Variants in PRKN observed in about 807,000 individuals in gnomAD.
The protein encoded by PRKN is parkin RBR E3 ubiquitin protein ligase.
Under a neutral mutation model 59.5 loss-of-function variants are expected in PRKN, and 56 were observed. That is an observed-to-expected ratio of 0.94 (90% CI 0.76 to 1.18). The LOEUF (loss-of-function observed/expected upper bound fraction) is 1.18, where lower values mean the gene tolerates loss of function less well. Among genes scored for constraint, PRKN ranks in the 50% most tolerant of loss-of-function variants. The pLI is 0.00. For missense variants in PRKN, 657 were observed against 596.4 expected, an observed-to-expected ratio of 1.10 and a Z score of -1.06; for synonymous variants, 250 against 222.1, an observed-to-expected ratio of 1.13 and a Z score of -1.12.
chr6:162,454,423 C>T (rs905184198), intron 1 of PRKN, among the ~76,000 whole-genome samples: 1 of 152,192 alleles, frequency 6.6e-6, no homozygotes, highest in Non-Finnish European at 1.5e-5. Flanking sequence ...CAGACATTAT[C>T]TCAGTTAATC....
intron 1 of PRKN, among the ~76,000 whole-genome samples, chr6:162,526,729 A>G (rs1232405209): frequency 6.6e-6 from 1 of 152,194 alleles, no homozygotes; most frequent in Admixed American, 6.5e-5. Context: ...AAGAAAAAGA[A>G]AAGCTGCATA....
chr6:162,208,180 C>G (rs1325497592), intron 3 of PRKN, among the ~76,000 whole-genome samples: 2 of 152,190 alleles, frequency 1.3e-5, no homozygotes, highest in Non-Finnish European at 2.9e-5. Flanking sequence ...ACACTCTTCA[C>G]TCCAAACCTT....
chr6:162,544,858 G>A (rs1779058035), intron 1 of PRKN, among the ~76,000 whole-genome samples: 2 of 150,142 alleles, frequency 1.3e-5, no homozygotes, highest in South Asian at 2.1e-4. Context: ...TGTATTTTTA[G>A]TATAGACAGG....
At chr6:162,096,865 T>A (rs1375094588) in intron 4 of PRKN, among the ~76,000 whole-genome samples, 7 of 131,326 alleles carry the variant, frequency 5.3e-5, no homozygotes, top group African/African-American at 2.1e-4. Flanking sequence ...TTTTTTTTTT[T>A]TTTTTTTTTT....
rs1790041621 is a variant in PRKN, at chr6:161,457,851, G to A, written c.1084-70974C>T. On this transcript the variant is annotated intron_variant, in intron 9 of 11. Coordinates refer to ENST00000366898, the MANE Select transcript of PRKN (RefSeq NM_004562.3). The surrounding 1 kb of genome is among the most constrained non-coding windows in gnomAD (Gnocchi z 5.0). ...TAGATGACCGCACATGTAAGTTAAA[G>A]AAATAGTGGCCTTCTTTTGTCTTTC... Among the ~76,000 whole-genome samples, 1 of 152,228 alleles carries A rather than the reference G, an allele frequency of 6.6e-6. No individual in the cohort carries two copies. The highest frequency in any genetic ancestry group is 2.4e-5 in the African/African-American group (1 of 41,460).
At chr6:161,678,216 CTTTTTTTTTTTTTTTTT>C (rs3066554) in intron 7 of PRKN, among the ~76,000 whole-genome samples, 1 of 64,940 alleles carries the variant, frequency 1.5e-5, no homozygotes, top group Admixed American at 2.1e-4. Flanking sequence ...TACTGAATCA[CTTTTTTTTTTTTTTTTT>C]TTTTTTTTTT....
At chr6:161,541,952 C>A (rs2115411030) in intron 9 of PRKN, among the ~76,000 whole-genome samples, 1 of 152,208 alleles carries the variant, frequency 6.6e-6, no homozygotes, top group Middle Eastern at 3.4e-3. Flanking sequence ...TGCAGCTGAC[C>A]CTTGAACAAC....
chr6:162,285,914 C>T (rs1010508747), intron 2 of PRKN, among the ~76,000 whole-genome samples: 2 of 152,110 alleles, frequency 1.3e-5, no homozygotes, highest in Admixed American at 6.6e-5. Flanking sequence ...AAATGTGTGG[C>T]GGCGGGGGCA....
chr6:161,408,186 A>G (rs976695915), intron 9 of PRKN, among the ~76,000 whole-genome samples: 1 of 152,144 alleles, frequency 6.6e-6, no homozygotes, highest in Non-Finnish European at 1.5e-5. Flanking sequence ...CGGCCGTGGG[A>G]AAATTATCAT....
At chr6:161,807,268 T>A (rs1327381810) in intron 6 of PRKN, among the ~76,000 whole-genome samples, 2 of 151,932 alleles carry the variant, frequency 1.3e-5, no homozygotes, top group Non-Finnish European at 2.9e-5. Flanking sequence ...TACACACACA[T>A]ACACACATAA....
intron 4 of PRKN, among the ~76,000 whole-genome samples, chr6:162,148,085 A>C (rs1429865789): frequency 6.6e-6 from 1 of 152,190 alleles, no homozygotes; most frequent in South Asian, 2.1e-4. Flanking sequence ...TTCTGGTAAC[A>C]TCACTGCTTA....
intron 1 of PRKN, among the ~76,000 whole-genome samples, chr6:162,523,773 T>C (rs2128194246): frequency 6.6e-6 from 1 of 152,188 alleles, no homozygotes; most frequent in South Asian, 2.1e-4. Flanking sequence ...TCCCAGCACT[T>C]CGGGAGGCTG....
rs1345181900 is a variant in PRKN at position 161,414,533 on chromosome 6, G to A, written c.1084-27656C>T. Among the ~76,000 whole-genome samples the A allele has an allele frequency of 2.6e-5, 4 of 152,214 alleles. No homozygotes were observed. The highest frequency in any genetic ancestry group is 1.9e-4 in the East Asian group (1 of 5,194). On this transcript the variant is annotated intron_variant, in intron 9 of 11. Coordinates refer to ENST00000366898, the MANE Select transcript of PRKN (RefSeq NM_004562.3). The surrounding 1 kb of genome is among the most constrained non-coding windows in gnomAD (Gnocchi z 5.3). Reference sequence around the variant, plus strand: ...TGCTAAAATCTTATTTAGAGGAGTCGTGGTAGAATTATTTATTCACTTCTA... The same window carrying A: ...TGCTAAAATCTTATTTAGAGGAGTCATGGTAGAATTATTTATTCACTTCTA...
intron 6 of PRKN, among the ~76,000 whole-genome samples, chr6:161,949,099 T>G (rs1779888357): frequency 3.3e-5 from 5 of 152,152 alleles, no homozygotes; most frequent in Admixed American, 2.6e-4. Flanking sequence ...TGGGGTGGAC[T>G]TCAGCGGGGT....
intron 4 of PRKN, among the ~76,000 whole-genome samples, chr6:162,121,192 T>C (rs1003998807): frequency 2.6e-5 from 4 of 152,160 alleles, no homozygotes; most frequent in Admixed American, 2.0e-4. Context: ...CATGCTTACC[T>C]CAAACTAACT....
chr6:161,784,730 G>A (rs894034901), intron 7 of PRKN, among the ~76,000 whole-genome samples: 1 of 152,130 alleles, frequency 6.6e-6, no homozygotes, highest in Admixed American at 6.5e-5. Context: ...TCTCCTAAAG[G>A]TTAAACTTCG....
rs1202810367 is a variant in PRKN, at chr6:161,502,660, C to T, written c.1083+46194G>A. On this transcript the variant is annotated intron_variant, in intron 9 of 11. Coordinates refer to ENST00000366898, the MANE Select transcript of PRKN (RefSeq NM_004562.3). This position sits in a 1 kb window ranked among gnomAD's most constrained non-coding sequence, Gnocchi z 4.0. ...GAAATGGGGGATTTGGGAGTAGCAA[C>T]CTCTGGAGTACCAGTGCATTTATGG... 6.6e-6 allele frequency among the ~76,000 whole-genome samples: 1 copy of T among 152,062 alleles called. No individual in the cohort carries two copies. The highest frequency in any genetic ancestry group is 2.4e-5 in the African/African-American group (1 of 41,390).
chr6:161,689,926 T>C (rs190678450), intron 7 of PRKN, among the ~76,000 whole-genome samples: 1 of 105,924 alleles, frequency 9.4e-6, no homozygotes, highest in Admixed American at 1.1e-4. Flanking sequence ...GCCAGGCTGG[T>C]CTCGAGCTCC....
In PRKN at chr6:162,665,948, T is replaced by G. The variant is rs183867753; in HGVS notation, c.7+61714A>C. Among the ~76,000 whole-genome samples, 14 of 152,238 alleles carry G rather than the reference T, an allele frequency of 9.2e-5. No individual in the cohort carries two copies. The East Asian group carries it at 2.7e-3, about 29-fold the overall frequency. The stretch of plus-strand genomic sequence containing the variant: ...AATGGGAAAAGGATCTCCTATTCAG[T>G]AAATGGTGCTGGAAAACTGGCTCGA... On this transcript the variant is annotated intron_variant, in intron 1 of 11. Coordinates refer to ENST00000366898, the MANE Select transcript of PRKN (RefSeq NM_004562.3).
Sources: allele counts gnomAD v4.1 joint callset (sites outside exome capture counted in the v4.1 genomes callset), GRCh38; gene constraint gnomAD v4.1.1; non-coding constraint Gnocchi (gnomAD v3.1); transcripts MANE v1.5; gene names NCBI Gene and HGNC (gene_info 2026-07-23, HGNC 2026-07-21).